Variants in GRIN2A observed in about 807,000 individuals in gnomAD.
The protein encoded by GRIN2A is glutamate receptor ionotropic, NMDA 2A.
Under a neutral mutation model 113.4 loss-of-function variants are expected in GRIN2A, and 22 were observed. The observed-to-expected ratio is 0.19, with a 90% CI of 0.14 to 0.28. The LOEUF (loss-of-function observed/expected upper bound fraction) is 0.28. Ranked by LOEUF, GRIN2A falls within the 10% of genes least tolerant of loss-of-function variation. The pLI is 1.00. For synonymous variants in GRIN2A, 827 were observed against 738.4 expected, an observed-to-expected ratio of 1.12 and a Z score of -1.94; for missense variants, 1,502 against 1,887.0, an observed-to-expected ratio of 0.80 and a Z score of 3.78.
intron 2 of GRIN2A, among the ~76,000 whole-genome samples, chr16:10,168,737 G>C (rs186473536): frequency 6.6e-6 from 1 of 152,074 alleles, no homozygotes; most frequent in Non-Finnish European, 1.5e-5. Context: ...AGGCCAAAGC[G>C]GGTGGATCAC....
chr16:9,955,393 A>G (rs765694089), intron 2 of GRIN2A, among the ~76,000 whole-genome samples: 7 of 151,958 alleles, frequency 4.6e-5, no homozygotes, highest in South Asian at 4.2e-4. Flanking sequence ...TCATTTCTAG[A>G]TCATCATTTC....
intron 4 of GRIN2A, among the ~76,000 whole-genome samples, chr16:9,859,977 G>C (rs190363903): frequency 6.6e-6 from 1 of 151,794 alleles, no homozygotes; most frequent in African/African-American, 2.4e-5. Flanking sequence ...GTGGTGAACA[G>C]TCCTCAGAGA....
chr16:9,797,278 C>T (rs1394365345), intron 11 of GRIN2A, among the ~76,000 whole-genome samples: 1 of 152,194 alleles, frequency 6.6e-6, no homozygotes, highest in East Asian at 1.9e-4. Context: ...TCATACCGAG[C>T]TCATTTTTGG....
At position 9,895,337 on chromosome 16, in the gene GRIN2A, A is replaced by G. The variant is rs533075607; in HGVS notation, c.1008-4237T>C. On this transcript the variant is annotated intron_variant, in intron 3 of 12. Transcript: ENST00000330684. ...TGCACATGGAGAAAATGCAAAGTCC[A>G]AGGCAGAAAACCCTGAAACATCATG... 3.9e-5 allele frequency among the ~76,000 whole-genome samples: 6 copies of G among 152,328 alleles called. No individual in the cohort carries two copies. In the South Asian group the frequency reaches 1.2e-3, roughly 32 times the overall value.
Position 9,804,738 on chromosome 16 carries a change from T to G in GRIN2A, c.2169-6274A>C, listed in dbSNP as rs143829369. On this transcript the variant is annotated intron_variant, in intron 10 of 12. Coordinates refer to ENST00000330684, the MANE Select transcript of GRIN2A (RefSeq NM_001134407.3). ...ATGAGGGCTGGAGCAGTGCTGGAGC[T>G]CAAAAGAATGCCATGCTATGCTGGC... Among the ~76,000 whole-genome samples the G allele has an allele frequency of 3.0e-3, 449 of 152,122 alleles. 5 individuals carry two copies. The highest frequency in any genetic ancestry group is 4.6e-3 in the Non-Finnish European group (313 of 67,992).
At chr16:9,806,812 G>A (rs895150355) in intron 10 of GRIN2A, among the ~76,000 whole-genome samples, 15 of 151,958 alleles carry the variant, frequency 9.9e-5, no homozygotes, top group South Asian at 2.1e-4. Flanking sequence ...AGAAGGTAAC[G>A]GGGAAGGAGT....
chr16:9,929,170 C>A (rs572047871), intron 3 of GRIN2A, among the ~76,000 whole-genome samples: 1 of 152,344 alleles, frequency 6.6e-6, no homozygotes, highest in African/African-American at 2.4e-5. Context: ...CCCTGCAAGA[C>A]CTTGCCCAGT....
intron 2 of GRIN2A, among the ~76,000 whole-genome samples, chr16:9,942,893 C>T (rs2044918770): frequency 6.6e-6 from 1 of 152,106 alleles, no homozygotes; most frequent in Non-Finnish European, 1.5e-5. Context: ...CATCATCTAC[C>T]CCTTGGAGGG....
chr16:9,834,709 A>T (rs1182302072), intron 7 of GRIN2A, among the ~76,000 whole-genome samples: 1 of 152,322 alleles, frequency 6.6e-6, no homozygotes, highest in African/African-American at 2.4e-5. Flanking sequence ...TCATCATTTT[A>T]AATCATTCTT....
At chr16:9,858,561 C>G (rs534548433) in intron 4 of GRIN2A, among the ~76,000 whole-genome samples, 1 of 152,042 alleles carries the variant, frequency 6.6e-6, no homozygotes, top group African/African-American at 2.4e-5. Flanking sequence ...TAATAATTGA[C>G]CGCTGATGGA....
At chr16:10,079,142 C>T (rs1231894209) in intron 2 of GRIN2A, among the ~76,000 whole-genome samples, 1 of 152,172 alleles carries the variant, frequency 6.6e-6, no homozygotes, top group East Asian at 1.9e-4. Context: ...ACCATCTTAG[C>T]ACAAATAAGA....
intron 7 of GRIN2A, among the ~76,000 whole-genome samples, chr16:9,839,220 A>G (rs1402135476): frequency 6.6e-6 from 1 of 152,194 alleles, no homozygotes; most frequent in Non-Finnish European, 1.5e-5. Flanking sequence ...GTCAAAACTC[A>G]TTTATGATAA....
intron 11 of GRIN2A, among the ~76,000 whole-genome samples, chr16:9,776,864 A>T (rs1901634114): frequency 6.6e-6 from 1 of 152,170 alleles, no homozygotes. Flanking sequence ...ATTCATTGGC[A>T]GGCTCATGTT....
At chr16:10,095,599 G>A (rs886965432) in intron 2 of GRIN2A, among the ~76,000 whole-genome samples, 1 of 152,200 alleles carries the variant, frequency 6.6e-6, no homozygotes, top group Non-Finnish European at 1.5e-5. Flanking sequence ...TAGTCTCAAT[G>A]TATCTGCCTA....
intron 4 of GRIN2A, among the ~76,000 whole-genome samples, chr16:9,881,814 G>A (rs2141456112): frequency 6.6e-6 from 1 of 152,254 alleles, no homozygotes; most frequent in African/African-American, 2.4e-5. Flanking sequence ...GTTGTAATAT[G>A]TTTCTCCCTG....
At chr16:10,012,161 G>A (rs942814771) in intron 2 of GRIN2A, among the ~76,000 whole-genome samples, 2 of 152,080 alleles carry the variant, frequency 1.3e-5, no homozygotes, top group Admixed American at 6.5e-5. Context: ...GAGTGGGAGC[G>A]AAATGGAAAA....
At chr16:9,983,146 T>C (rs554729821) in intron 2 of GRIN2A, among the ~76,000 whole-genome samples, 1 of 152,318 alleles carries the variant, frequency 6.6e-6, no homozygotes, top group African/African-American at 2.4e-5. Flanking sequence ...TTTCTAGCTA[T>C]TTAAAAATAC....
chr16:10,083,705 C>T (rs1052716660), intron 2 of GRIN2A, among the ~76,000 whole-genome samples: 1 of 152,206 alleles, frequency 6.6e-6, no homozygotes, highest in Non-Finnish European at 1.5e-5. Flanking sequence ...TTTATAAAGT[C>T]ACCTTCTCTA....
intron 10 of GRIN2A, among the ~76,000 whole-genome samples, chr16:9,804,105 G>A (rs369929795): frequency 1.4e-4 from 21 of 152,304 alleles, no homozygotes; most frequent in East Asian, 1.2e-3. Flanking sequence ...CGGAAGACAT[G>A]TAGGTATAGG....
Sources: gnomAD v4.1 joint callset for allele counts (sites outside exome capture counted in the v4.1 genomes callset) on GRCh38, gnomAD v4.1.1 for gene constraint, MANE v1.5 for transcripts, NCBI Gene and HGNC (gene_info 2026-07-23, HGNC 2026-07-21) for gene names.